Variants in CHCHD3 observed in about 807,000 individuals in gnomAD.
CHCHD3 encodes the protein coiled-coil-helix-coiled-coil-helix domain containing 3, also known as MICOS complex subunit MIC19.
In CHCHD3, 20 loss-of-function variants were observed where a neutral mutation model predicts 38.2. The ratio of observed to expected loss-of-function variants is 0.52; its 90% confidence interval spans 0.37 to 0.76. The LOEUF (loss-of-function observed/expected upper bound fraction) is 0.76, where lower values mean the gene tolerates loss of function less well. Among genes scored for constraint, CHCHD3 ranks in the 30% least tolerant of loss-of-function variants. CHCHD3 has a pLI of 0.00. For missense variants in CHCHD3, 245 were observed against 279.2 expected, an observed-to-expected ratio of 0.88 and a Z score of 0.87; for synonymous variants, 82 against 100.0, an observed-to-expected ratio of 0.82 and a Z score of 1.07.
intron 5 of CHCHD3, among the ~76,000 whole-genome samples, chr7:132,854,794 T>G (rs920365153): frequency 1.3e-5 from 2 of 152,164 alleles, no homozygotes; most frequent in Admixed American, 6.5e-5. Flanking sequence ...TTCCACTGCT[T>G]ATGATCTACT....
intron 5 of CHCHD3, among the ~76,000 whole-genome samples, chr7:132,861,868 G>A (rs9649583): frequency 0.22 from 33,075 of 152,050 alleles, 3,843 homozygotes; most frequent in South Asian, 0.26. Context: ...CTGATGCCTG[G>A]TCTATCCAAA....
chr7:133,062,919 C>T (rs577771653), intron 2 of CHCHD3, among the ~76,000 whole-genome samples: 1 of 152,186 alleles, frequency 6.6e-6, no homozygotes, highest in South Asian at 2.1e-4. Context: ...AGTGGTTAAT[C>T]CGTTAACTAG....
Position 133,015,991 on chromosome 7 carries a change from T to G in CHCHD3, c.251+8555A>C, listed in dbSNP as rs989627567. On this transcript the variant is annotated intron_variant, in intron 3 of 7. Coordinates refer to ENST00000262570, the MANE Select transcript of CHCHD3 (RefSeq NM_017812.4). Reference sequence around the variant, plus strand: ...CACACTTTTAAACAACCAGATCTCATGAGAAATCTATCACAAGAACAGCCT... The same window carrying G: ...CACACTTTTAAACAACCAGATCTCAGGAGAAATCTATCACAAGAACAGCCT... Among the ~76,000 whole-genome samples, 4 of 152,054 alleles carry G rather than the reference T, an allele frequency of 2.6e-5. No homozygotes were observed. In the East Asian group the frequency reaches 7.7e-4, roughly 29 times the overall value.
At chr7:132,797,425 T>G (rs971846401) in intron 6 of CHCHD3, among the ~76,000 whole-genome samples, 1 of 152,224 alleles carries the variant, frequency 6.6e-6, no homozygotes, top group African/African-American at 2.4e-5. Flanking sequence ...ATTCCCTTTA[T>G]GGTGACCCCA....
intron 6 of CHCHD3, among the ~76,000 whole-genome samples, chr7:132,808,952 AATT>A (rs1807000183): frequency 6.7e-6 from 1 of 148,174 alleles, no homozygotes; most frequent in Non-Finnish European, 1.5e-5. Context: ...CCTTTTTTTA[AATT>A]ATTATTTTTC....
chr7:132,796,683 G>T, intron 6 of CHCHD3, 106 bp from the exon 7 acceptor site: 1 of 984,268 alleles, frequency 1.0e-6, no homozygotes, highest in Non-Finnish European at 1.5e-6. Flanking sequence ...TGTTGCAAAT[G>T]TAGAAAAAGG....
At chr7:132,997,486 A>ATT (rs1197367349) in intron 3 of CHCHD3, among the ~76,000 whole-genome samples, 1 of 152,096 alleles carries the variant, frequency 6.6e-6, no homozygotes, top group Non-Finnish European at 1.5e-5. Context: ...TCAGTTGTGA[A>ATT]TTTTTACACT....
At chr7:132,910,017 A>T (rs2117217832) in intron 4 of CHCHD3, among the ~76,000 whole-genome samples, 1 of 152,374 alleles carries the variant, frequency 6.6e-6, no homozygotes, top group East Asian at 1.9e-4. Context: ...ATGGATTTGA[A>T]CTGAGCAAGT....
chr7:133,000,537 G>A (rs1736516203), intron 3 of CHCHD3, among the ~76,000 whole-genome samples: 3 of 152,110 alleles, frequency 2.0e-5, no homozygotes, highest in Admixed American at 2.0e-4. Context: ...TTACCATTGG[G>A]GAGTGAGATA....
Position 133,019,861 on chromosome 7 carries a change from A to G in CHCHD3, c.251+4685T>C, listed in dbSNP as rs546498302. Among the ~76,000 whole-genome samples the G allele has an allele frequency of 4.6e-5, 7 of 152,330 alleles. No individual in the cohort carries two copies. In the East Asian group the frequency reaches 9.6e-4, roughly 21 times the overall value. Reference sequence around the variant, plus strand: ...GACTTTTGGAGGTAGGGCACAGAGGAGAAGTAAATCATATTTTTAAAGTCT... The same window carrying G: ...GACTTTTGGAGGTAGGGCACAGAGGGGAAGTAAATCATATTTTTAAAGTCT... On this transcript the variant is annotated intron_variant, in intron 3 of 7. Coordinates refer to ENST00000262570, the MANE Select transcript of CHCHD3 (RefSeq NM_017812.4).
chr7:132,890,447 G>T (rs1277318137), intron 4 of CHCHD3, among the ~76,000 whole-genome samples: 2 of 152,118 alleles, frequency 1.3e-5, no homozygotes, highest in Non-Finnish European at 2.9e-5. Flanking sequence ...CGCCCTTTTA[G>T]CCCTGGTTGC....
intron 5 of CHCHD3, among the ~76,000 whole-genome samples, chr7:132,854,132 T>G (rs556886042): frequency 6.6e-6 from 1 of 152,292 alleles, no homozygotes; most frequent in Non-Finnish European, 1.5e-5. Context: ...CAAATGCCTT[T>G]CGAATGTACT....
intron 4 of CHCHD3, among the ~76,000 whole-genome samples, chr7:132,939,323 A>AC (rs773031558): frequency 6.6e-6 from 1 of 151,912 alleles, no homozygotes; most frequent in Non-Finnish European, 1.5e-5. Flanking sequence ...GCCCAGAGCA[A>AC]CCTCCAGTCC....
intron 2 of CHCHD3, among the ~76,000 whole-genome samples, chr7:133,032,032 T>TAGCATTAC (rs1813518206): frequency 6.6e-6 from 1 of 152,194 alleles, no homozygotes; most frequent in Non-Finnish European, 1.5e-5. Flanking sequence ...ACTAACAGCA[T>TAGCATTAC]AGGTTACAGG....
rs947407234 is a variant in CHCHD3, at chr7:132,785,319, A to G, written c.*318T>C. The G allele has an allele frequency of 3.3e-5, 10 of 300,198 alleles. No homozygotes were observed. Among genetic ancestry groups the G allele is most frequent in the African/African-American group, 1.5e-4 (7 of 45,834 alleles). The allele number at this position is 300,198 out of a possible 1,614,324, so 18.6% of individuals were successfully genotyped here. On this transcript the variant is annotated 3_prime_UTR_variant, in exon 8 of 8. Transcript: ENST00000262570. ...AATGATGGGGCTTGTTCAGAAGAGA[A>G]ACATTTTATGGTCAGTGCAAGTTGA...
chr7:132,858,058 T>G (rs2117127114), intron 5 of CHCHD3, among the ~76,000 whole-genome samples: 1 of 152,256 alleles, frequency 6.6e-6, no homozygotes, highest in African/African-American at 2.4e-5. Context: ...CTTTTTCAAT[T>G]CTTTCTTCAC....
chr7:132,839,892 C>T (rs529582751), intron 5 of CHCHD3, among the ~76,000 whole-genome samples: 6 of 152,142 alleles, frequency 3.9e-5, no homozygotes, highest in East Asian at 1.9e-4. Flanking sequence ...ATTTGGGCTA[C>T]GATTTATCTT....
At chr7:132,799,083 C>T (rs1585523884) in intron 6 of CHCHD3, among the ~76,000 whole-genome samples, 1 of 150,696 alleles carries the variant, frequency 6.6e-6, no homozygotes, top group Non-Finnish European at 1.5e-5. Context: ...TTTGTACACA[C>T]TTCAATCTGT....
intron 5 of CHCHD3, among the ~76,000 whole-genome samples, chr7:132,855,122 A>G (rs1336605428): frequency 6.6e-6 from 1 of 152,240 alleles, no homozygotes; most frequent in Non-Finnish European, 1.5e-5. Flanking sequence ...TAAGTGCCAG[A>G]AATAAATCAG....
Sources: gnomAD v4.1 joint callset for allele counts (sites outside exome capture counted in the v4.1 genomes callset) on GRCh38, gnomAD v4.1.1 for gene constraint, MANE v1.5 for transcripts, NCBI Gene and HGNC (gene_info 2026-07-23, HGNC 2026-07-21) for gene names.